CC2D2B: variants seen among roughly 807,000 people sequenced by gnomAD.
The protein encoded by CC2D2B is protein CC2D2B.
In CC2D2B, 128 loss-of-function variants were observed where a neutral mutation model predicts 161.2. The ratio of observed to expected loss-of-function variants is 0.79; its 90% CI spans 0.69 to 0.92. The LOEUF is 0.92. Ranked by LOEUF, CC2D2B falls within the 40% of genes least tolerant of loss-of-function variation. The probability of loss-of-function intolerance (pLI) is 0.00; values close to 1 mark genes in which losing one functional copy is unlikely to be tolerated. For missense variants in CC2D2B, 1,173 were observed against 1,375.1 expected (o/e 0.85, Z 2.32); for synonymous variants, 391 against 449.8 (o/e 0.87, Z 1.65).
intron 22 of CC2D2B, among the ~76,000 whole-genome samples, chr10:95,994,890 C>A (rs2078170315): frequency 6.6e-6 from 1 of 152,100 alleles, no homozygotes; most frequent in South Asian, 2.1e-4. Flanking sequence ...TAACTATTTT[C>A]CTTATTACAC....
intron 6 of CC2D2B, among the ~76,000 whole-genome samples, chr10:95,929,859 T>C (rs1590393053): frequency 1.3e-5 from 2 of 152,282 alleles, no homozygotes; most frequent in East Asian, 1.9e-4. Context: ...TTTTGCTTAA[T>C]ATTGTCTTGG....
At position 96,006,188 on chromosome 10, in the gene CC2D2B, C is replaced by G. The variant is rs929782857; in HGVS notation, c.2946+1940C>G. On this transcript the variant is annotated intron_variant, in intron 25 of 34. Coordinates refer to ENST00000646931, the MANE Select transcript of CC2D2B (RefSeq NM_001349008.3). ...CTACAGTTTTTGTACTTACTTTGGC[C>G]AAATGTATTGAATGCCTAGTTTGTT... 6.1e-5 allele frequency among the ~76,000 whole-genome samples: 9 copies of G among 147,500 alleles called. No homozygotes were observed. In the South Asian group the frequency reaches 8.9e-4, roughly 15 times the overall value.
chr10:95,943,125 G>A lies in CC2D2B; in HGVS notation c.801+4200G>A, dbSNP rs952703908. ...TCATTCTGAAAATTCCTGGGAACTAGATTCCTGCAGCTCCTTCGGTCCTTA... is the reference window on the plus strand; with the variant it reads ...TCATTCTGAAAATTCCTGGGAACTAAATTCCTGCAGCTCCTTCGGTCCTTA... On this transcript the variant is annotated intron_variant, in intron 9 of 34. Coordinates refer to ENST00000646931, the MANE Select transcript of CC2D2B (RefSeq NM_001349008.3). Among the ~76,000 whole-genome samples, 3 of 152,260 alleles carry A rather than the reference G, an allele frequency of 2.0e-5. No individual in the cohort carries two copies. The East Asian group carries it at 5.8e-4, about 29-fold the overall frequency.
intron 2 of CC2D2B, among the ~76,000 whole-genome samples, chr10:95,915,885 T>G (rs949799710): frequency 6.6e-6 from 1 of 152,170 alleles, no homozygotes; most frequent in Non-Finnish European, 1.5e-5. Flanking sequence ...TCACTTTGTC[T>G]GGTTTTAGTA....
intron 9 of CC2D2B, among the ~76,000 whole-genome samples, chr10:95,946,203 T>C (rs1005184603): frequency 1.3e-5 from 2 of 152,232 alleles, no homozygotes; most frequent in African/African-American, 2.4e-5. Flanking sequence ...TGACACCTCC[T>C]CAAATGTTTG....
intron 1 of CC2D2B, among the ~76,000 whole-genome samples, chr10:95,908,690 AG>A (rs2141076787): frequency 6.6e-6 from 1 of 152,116 alleles, no homozygotes; most frequent in Admixed American, 6.6e-5. Flanking sequence ...CTTCACTTTC[AG>A]AAAGGGCCTC....
chr10:95,967,354 A>G (rs141743779), intron 14 of CC2D2B, among the ~76,000 whole-genome samples: 1 of 152,294 alleles, frequency 6.6e-6, no homozygotes, highest in Non-Finnish European at 1.5e-5. Context: ...GAGGAAGAAG[A>G]TATTTGTGCT....
At chr10:95,928,515 C>T (rs745935707) in intron 6 of CC2D2B, among the ~76,000 whole-genome samples, 1 of 152,114 alleles carries the variant, frequency 6.6e-6, no homozygotes, top group East Asian at 1.9e-4. Context: ...ACCCATCAAC[C>T]CGTCATCTAC....
At chr10:95,937,964 C>G in intron 6 of CC2D2B, 27 bp from the exon 7 acceptor site, 1 of 1,331,080 alleles carries the variant, frequency 7.5e-7, no homozygotes, top group Non-Finnish European at 1.1e-6. Context: ...AGCATGTAAA[C>G]TTATTTTCCT....
chr10:95,999,954 T>A, intron 24 of CC2D2B: 1 of 604,348 alleles, frequency 1.7e-6, no homozygotes, highest in Non-Finnish European at 2.9e-6. Context: ...ATCTCAGCTC[T>A]TAGAGCACTT....
At chr10:95,983,224 C>T (rs560921033) in intron 18 of CC2D2B, among the ~76,000 whole-genome samples, 1 of 152,236 alleles carries the variant, frequency 6.6e-6, no homozygotes, top group African/African-American at 2.4e-5. Flanking sequence ...GATTAGATTG[C>T]TGCAAGTAAA....
At position 96,032,971 on chromosome 10, in the gene CC2D2B, T is replaced by C. The variant is rs1223702081; in HGVS notation, c.*963T>C. 1.3e-5 allele frequency among the ~76,000 whole-genome samples: 2 copies of C among 152,230 alleles called. No individual in the cohort carries two copies. The highest frequency in any genetic ancestry group is 2.4e-5 in the African/African-American group (1 of 41,466). ...ACAGGGGTCTAAGTAGGAAGCACTA[T>C]ACTTTCTTCTAGTTTATTGTTTTGT... is the stretch of plus-strand genomic sequence containing the variant. On this transcript the variant is annotated 3_prime_UTR_variant, in exon 35 of 35. Coordinates refer to ENST00000646931, the MANE Select transcript of CC2D2B (RefSeq NM_001349008.3).
rs760114704 is a variant in CC2D2B at position 96,032,652 on chromosome 10, AAAAAT to A, written c.*655_*659del. 9 of 359,288 alleles carry A rather than the reference AAAAAT, an allele frequency of 2.5e-5. No individual in the cohort carries two copies. The highest frequency in any genetic ancestry group is 4.1e-5 in the Non-Finnish European group (7 of 172,828). 22.3% of individuals were successfully genotyped at this position (359,288 alleles called of 1,614,324 possible). ...ATAAAATGTTATTTCACTGGTAAAG[AAAAAT>A]AAAATAAAATCTACCATGTTGGGCT... is the stretch of plus-strand genomic sequence containing the variant. On this transcript the variant is annotated 3_prime_UTR_variant, in exon 35 of 35. Coordinates refer to ENST00000646931, the MANE Select transcript of CC2D2B (RefSeq NM_001349008.3).
chr10:96,016,301 C>T lies in CC2D2B; in HGVS notation c.3617C>T (p.Thr1206Met), dbSNP rs768630692. 8.7e-6 allele frequency: 14 copies of T among 1,602,356 alleles called. No homozygotes were observed. Among genetic ancestry groups the T allele is most frequent in the Non-Finnish European group, 6.0e-6 (7 of 1,169,498 alleles). ...FGKKALVLLG[T>M]SVLEGHVAYV... Reference sequence around the variant, plus strand: ...AAGAAGGCACTGGTCCTCTTGGGAACGTCAGTGTTAGAAGTAAGTGCTGGA... The same window carrying T: ...AAGAAGGCACTGGTCCTCTTGGGAATGTCAGTGTTAGAAGTAAGTGCTGGA... Residue 1206 changes from threonine to methionine, a missense_variant, in exon 30 of 35, where the codon ACG becomes ATG. Thr to Met is a moderately conservative substitution (Grantham distance 81). This residue lies in a region of CC2D2B where 598 missense variants were observed against 693.2 expected (regional missense o/e 0.86). Transcript: ENST00000646931.
intron 11 of CC2D2B, among the ~76,000 whole-genome samples, chr10:95,959,900 T>G (rs2076703995): frequency 6.6e-6 from 1 of 152,158 alleles, no homozygotes; most frequent in Admixed American, 6.6e-5. Flanking sequence ...CCTCTAAATT[T>G]GAAGCAATAT....
At chr10:95,976,261 G>A (rs2077308879) in intron 17 of CC2D2B, among the ~76,000 whole-genome samples, 1 of 152,074 alleles carries the variant, frequency 6.6e-6, no homozygotes, top group Non-Finnish European at 1.5e-5. Context: ...TCCACTTTCT[G>A]CTCACCCATT....
intron 19 of CC2D2B, 30 bp downstream of exon 19, chr10:95,983,839 T>C (rs2077618885): frequency 2.0e-6 from 2 of 1,007,098 alleles, no homozygotes; most frequent in Admixed American, 4.3e-5. Flanking sequence ...ATATGGCTTA[T>C]TGTATGATAA....
At chr10:95,995,520 C>A (rs2078196964) in intron 23 of CC2D2B, among the ~76,000 whole-genome samples, 155 bp downstream of exon 23, 1 of 152,230 alleles carries the variant, frequency 6.6e-6, no homozygotes, top group African/African-American at 2.4e-5. Context: ...GTAATTCTAA[C>A]TATTTCATTC....
intron 30 of CC2D2B, among the ~76,000 whole-genome samples, chr10:96,017,535 T>C (rs144356693): frequency 1.3e-5 from 2 of 152,268 alleles, no homozygotes; most frequent in Admixed American, 6.5e-5. Flanking sequence ...ATAAAGATGA[T>C]GAGCACAGTG....
Sources: allele counts gnomAD v4.1 joint callset (sites outside exome capture counted in the v4.1 genomes callset), GRCh38; gene constraint gnomAD v4.1.1; regional missense constraint gnomAD v4.1.1; transcripts MANE v1.5; gene names NCBI Gene and HGNC (gene_info 2026-07-23, HGNC 2026-07-21).